DENND5B: variants seen among roughly 807,000 people sequenced by gnomAD.
DENND5B encodes the protein DENN domain containing 5B, also known as DENN domain-containing protein 5B.
In DENND5B, 34 loss-of-function variants were observed where a neutral mutation model predicts 140.6. The ratio of observed to expected loss-of-function variants is 0.24; its 90% CI spans 0.18 to 0.32. The LOEUF (loss-of-function observed/expected upper bound fraction) is 0.32, where lower values mean the gene tolerates loss of function less well. DENND5B is among the 10% of genes least tolerant of loss of function. DENND5B has a pLI of 1.00. For synonymous variants in DENND5B, 551 were observed against 562.1 expected (o/e 0.98, Z 0.28); for missense variants, 1,142 against 1,560.2 (o/e 0.73, Z 4.52).
rs1184347179 is a variant in DENND5B, at chr12:31,387,557, T to C, written c.*46A>G. On this transcript the variant is annotated 3_prime_UTR_variant, in exon 21 of 21. Transcript: ENST00000389082. ...AGACAAGTCCAAATCGGTCCCCTAGTTGGGGAAGGAGCAAGGTTTGGACTG... is the reference window on the plus strand; with the variant it reads ...AGACAAGTCCAAATCGGTCCCCTAGCTGGGGAAGGAGCAAGGTTTGGACTG... The C allele has an allele frequency of 1.9e-6, 3 of 1,581,536 alleles. No individual in the cohort carries two copies. The highest frequency in any genetic ancestry group is 1.7e-4 in the Middle Eastern group (1 of 5,910).
intron 3 of DENND5B, among the ~76,000 whole-genome samples, chr12:31,468,924 T>C (rs1421840041): frequency 6.6e-6 from 1 of 152,058 alleles, no homozygotes; most frequent in Non-Finnish European, 1.5e-5. Flanking sequence ...AGGACAAAAC[T>C]ACAGATATAA....
At chr12:31,456,329 CAAAA>C (rs56369582) in intron 4 of DENND5B, among the ~76,000 whole-genome samples, 44 of 121,602 alleles carry the variant, frequency 3.6e-4, no homozygotes, top group African/African-American at 4.3e-4. Flanking sequence ...GACTCCGTCT[CAAAA>C]AAAAAAAAAA....
At position 31,547,550 on chromosome 12, in the gene DENND5B, C is replaced by T. The variant is rs540822728; in HGVS notation, c.127+43156G>A. Among the ~76,000 whole-genome samples, 4 of 152,086 alleles carry T rather than the reference C, an allele frequency of 2.6e-5. No homozygotes were observed. In the East Asian group the frequency reaches 5.8e-4, roughly 22 times the overall value. On this transcript the variant is annotated intron_variant, in intron 1 of 20. Coordinates refer to ENST00000389082, the MANE Select transcript of DENND5B (RefSeq NM_144973.4). ...AGTAGCTGGAACTACAGACACATGC[C>T]ACCAAGCTGGCTAATTTTTGTATTT... is the stretch of plus-strand genomic sequence containing the variant.
chr12:31,435,464 A>G (rs1258015289), intron 7 of DENND5B, among the ~76,000 whole-genome samples: 3 of 151,992 alleles, frequency 2.0e-5, no homozygotes, highest in Non-Finnish European at 4.4e-5. Context: ...TCTTTTTCTC[A>G]GTGGAATCTC....
chr12:31,397,931 AAAAG>A (rs917916935), intron 17 of DENND5B, among the ~76,000 whole-genome samples: 1 of 152,174 alleles, frequency 6.6e-6, no homozygotes, highest in Non-Finnish European at 1.5e-5. Flanking sequence ...CTCAAAAAAT[AAAAG>A]TTTCAGGTAA....
chr12:31,382,814 G>A lies in DENND5B; in HGVS notation c.*4789C>T, dbSNP rs1219629741. 2 of 151,938 alleles carry A rather than the reference G, an allele frequency of 1.3e-5. No homozygotes were observed. Among genetic ancestry groups the A allele is most frequent in the Non-Finnish European group, 2.9e-5 (2 of 67,988 alleles). The allele number at this position is 151,938 out of a possible 1,614,324, so 9.4% of individuals were successfully genotyped here. A position where few individuals can be genotyped will look rare whatever the true frequency, so the allele number is the denominator to read the frequency against. ...ACAGCTCCAATCAGATTTTGGAGAG[G>A]AGGTTCTCCTTAGATTCTTTTGATC... On this transcript the variant is annotated 3_prime_UTR_variant, in exon 21 of 21. Coordinates refer to ENST00000389082, the MANE Select transcript of DENND5B (RefSeq NM_144973.4).
intron 1 of DENND5B, among the ~76,000 whole-genome samples, chr12:31,567,988 G>A (rs1024633961): frequency 6.6e-6 from 1 of 152,202 alleles, no homozygotes; most frequent in African/African-American, 2.4e-5. Flanking sequence ...ACAGATGTGA[G>A]CCACCACAAC....
chr12:31,455,749 T>G (rs191923837), intron 4 of DENND5B, among the ~76,000 whole-genome samples: 4 of 152,052 alleles, frequency 2.6e-5, no homozygotes, highest in Admixed American at 1.3e-4. Flanking sequence ...GGGCTGGGCA[T>G]GGTGGCTCAT....
chr12:31,389,461 A>G lies in DENND5B; in HGVS notation c.3504T>C (p.Ile1168=), dbSNP rs1319217204. 6.2e-7 allele frequency: 1 copy of G among 1,600,378 alleles called. No homozygotes were observed. The highest frequency in any genetic ancestry group is 1.3e-5 in the African/African-American group (1 of 74,904). The part of the protein sequence containing the change: ...VVAYFETTDQ[I]LDNEDDVLIQ... ...TAAGGACATCATCTTCATTATCTAG[A>G]ATCTGGTCAGTTGTTTCAAAATAAG... The change falls in exon 20 of 21, where the codon ATT becomes ATC. Residue 1168 remains isoleucine (I), a synonymous_variant. Transcript: ENST00000389082.
intron 1 of DENND5B, among the ~76,000 whole-genome samples, chr12:31,553,526 G>A (rs1293104434): frequency 6.6e-6 from 1 of 152,280 alleles, no homozygotes; most frequent in South Asian, 2.1e-4. Context: ...GTGCTGCAAA[G>A]AATGTATATT....
intron 4 of DENND5B, among the ~76,000 whole-genome samples, chr12:31,455,707 T>C (rs944060113): frequency 1.3e-5 from 2 of 152,170 alleles, no homozygotes. Context: ...CTTCATGATA[T>C]GTAACTACTT....
chr12:31,382,861 C>CA lies in DENND5B; in HGVS notation c.*4741dup, dbSNP rs1940691488. ...GATCACACTACATCAGCAACCTCTT[C>CA]AAAAAGCTTAGAATTCAGTTGATTC... On this transcript the variant is annotated 3_prime_UTR_variant, in exon 21 of 21. Transcript: ENST00000389082. 1 of 151,996 alleles carries CA rather than the reference C, an allele frequency of 6.6e-6. No individual in the cohort carries two copies. Among genetic ancestry groups the CA allele is most frequent in the African/African-American group, 2.4e-5 (1 of 41,422 alleles). 9.4% of individuals were successfully genotyped at this position (151,996 alleles called of 1,614,324 possible). A position where few individuals can be genotyped will look rare whatever the true frequency, so the allele number is the denominator to read the frequency against.
At chr12:31,437,616 T>C (rs1943837943) in intron 7 of DENND5B, among the ~76,000 whole-genome samples, 1 of 152,216 alleles carries the variant, frequency 6.6e-6, no homozygotes, top group Admixed American at 6.5e-5. Context: ...TCCATATGCA[T>C]GTTTAATATA....
intron 1 of DENND5B, chr12:31,506,426 A>G (rs1947205054): frequency 6.6e-6 from 1 of 152,206 alleles, no homozygotes; most frequent in Admixed American, 6.5e-5. Context: ...GCAATTACTA[A>G]AATTTATTCA....
At chr12:31,454,812 C>CTTTTTTTTT (rs201720111) in intron 4 of DENND5B, among the ~76,000 whole-genome samples, 15 of 93,904 alleles carry the variant, frequency 1.6e-4, no homozygotes, top group Non-Finnish European at 2.1e-4. Context: ...GATTCAGTAT[C>CTTTTTTTTT]TTTTTTTTTT....
chr12:31,577,945 T>C (rs1950073660), intron 1 of DENND5B, among the ~76,000 whole-genome samples: 1 of 151,244 alleles, frequency 6.6e-6, no homozygotes, highest in Non-Finnish European at 1.5e-5. Flanking sequence ...GGCAACATAG[T>C]GAAACCCCAT....
chr12:31,464,311 C>A (rs1465761271), intron 3 of DENND5B, among the ~76,000 whole-genome samples: 1 of 152,114 alleles, frequency 6.6e-6, no homozygotes. Context: ...CCAGAATGTC[C>A]CTTCCTCTTG....
chr12:31,479,476 A>T, intron 3 of DENND5B, 113 bp downstream of exon 3: 8 of 1,083,902 alleles, frequency 7.4e-6, no homozygotes, highest in Admixed American at 3.5e-5. Context: ...CTTTACACAA[A>T]ACAGAAAAGA....
intron 1 of DENND5B, among the ~76,000 whole-genome samples, chr12:31,535,948 T>A (rs567315326): frequency 6.7e-6 from 1 of 150,186 alleles, no homozygotes; most frequent in South Asian, 2.1e-4. Context: ...ATGAGGGTGG[T>A]CCTTGACGAA....
Sources: allele counts gnomAD v4.1 joint callset (sites outside exome capture counted in the v4.1 genomes callset), GRCh38; gene constraint gnomAD v4.1.1; transcripts MANE v1.5; gene names NCBI Gene and HGNC (gene_info 2026-07-23, HGNC 2026-07-21).